Variants in CHMP3 observed in about 807,000 individuals in gnomAD.
The protein encoded by CHMP3 is charged multivesicular body protein 3, also known as 25.1 protein.
CHMP3 carries 8 observed loss-of-function variants against 27.4 expected under a neutral mutation model. That is an observed-to-expected ratio of 0.29 (90% confidence interval 0.17 to 0.53). CHMP3 has a LOEUF of 0.53. Among genes scored for constraint, CHMP3 ranks in the 20% least tolerant of loss-of-function variants. The pLI is 0.96. For missense variants in CHMP3, 208 were observed against 271.5 expected (o/e 0.77, Z 1.64); for synonymous variants, 86 against 85.5 (o/e 1.01, Z -0.03).
At chr2:86,537,037 T>C (rs1300399668) in intron 2 of CHMP3, among the ~76,000 whole-genome samples, 1 of 152,132 alleles carries the variant, frequency 6.6e-6, no homozygotes, top group African/African-American at 2.4e-5. Flanking sequence ...ATTTTTGTTT[T>C]TATTTTTTGT....
intron 2 of CHMP3, among the ~76,000 whole-genome samples, chr2:86,533,264 T>G (rs907787650): frequency 6.6e-6 from 1 of 152,212 alleles, no homozygotes; most frequent in African/African-American, 2.4e-5. Context: ...TCAGTAGTAA[T>G]GTCTCCACTT....
At chr2:86,515,909 A>G (rs1422164700) in intron 3 of CHMP3, among the ~76,000 whole-genome samples, 4 of 152,012 alleles carry the variant, frequency 2.6e-5, no homozygotes, top group Admixed American at 2.6e-4. Context: ...TGTAATCCCA[A>G]TACTTTGTGA....
intron 3 of CHMP3, among the ~76,000 whole-genome samples, chr2:86,525,532 C>CAAAA (rs1242579774): frequency 9.8e-6 from 1 of 101,714 alleles, no homozygotes; most frequent in Non-Finnish European, 2.1e-5. Flanking sequence ...GATCTTGTCT[C>CAAAA]AAAAAAAAAA....
chr2:86,550,172 C>T (rs1676845112), intron 1 of CHMP3, among the ~76,000 whole-genome samples: 2 of 152,172 alleles, frequency 1.3e-5, no homozygotes, highest in Admixed American at 6.5e-5. Flanking sequence ...GGTCAGGAGC[C>T]GGAGACCAGC....
intron 1 of CHMP3, chr2:86,561,528 G>C (rs930202971): frequency 6.6e-6 from 1 of 152,156 alleles, no homozygotes; most frequent in Admixed American, 6.5e-5. Context: ...GATCCCTAAT[G>C]ATTAGTGTGC....
At chr2:86,539,889 T>C (rs2103978243) in intron 2 of CHMP3, among the ~76,000 whole-genome samples, 1 of 152,252 alleles carries the variant, frequency 6.6e-6, no homozygotes, top group East Asian at 1.9e-4. Context: ...ACATTTATTG[T>C]ATTGGCAACA....
intron 1 of CHMP3, among the ~76,000 whole-genome samples, chr2:86,550,951 T>C (rs1174512398): frequency 6.6e-6 from 1 of 152,262 alleles, no homozygotes; most frequent in Non-Finnish European, 1.5e-5. Flanking sequence ...TCCATGGATT[T>C]TGGTATGGGC....
At chr2:86,558,015 T>A (rs1392470652) in intron 1 of CHMP3, among the ~76,000 whole-genome samples, 1 of 152,158 alleles carries the variant, frequency 6.6e-6, no homozygotes, top group Non-Finnish European at 1.5e-5. Flanking sequence ...TCTGATAGAA[T>A]CCCACAACCA....
rs531273658 is a variant in CHMP3, at chr2:86,557,749, G to A, written c.45+5555C>T. The stretch of plus-strand genomic sequence containing the variant: ...TGCCACTTGTGACAAGACCGAGACC[G>A]TCCCTGACCAGCTTCCGTTCCCCAT... On this transcript the variant is annotated intron_variant, in intron 1 of 5. Transcript: ENST00000263856. Among the ~76,000 whole-genome samples the A allele has an allele frequency of 5.3e-5, 8 of 152,110 alleles. No individual in the cohort carries two copies. In the East Asian group the frequency reaches 5.8e-4, roughly 11 times the overall value.
chr2:86,506,788 T>C (rs1674906372), intron 5 of CHMP3, among the ~76,000 whole-genome samples: 1 of 151,976 alleles, frequency 6.6e-6, no homozygotes, highest in Non-Finnish European at 1.5e-5. Flanking sequence ...TTTTTATATT[T>C]TTTGTAGAGA....
chr2:86,546,169 C>T (rs1000503357), intron 1 of CHMP3, among the ~76,000 whole-genome samples: 1 of 152,118 alleles, frequency 6.6e-6, no homozygotes, highest in Non-Finnish European at 1.5e-5. Flanking sequence ...GAGACCAGCC[C>T]GGTCAACACA....
rs1020001943 is a variant in CHMP3, at chr2:86,521,299, T to C, written c.286+7919A>G. Among the ~76,000 whole-genome samples the C allele has an allele frequency of 2.4e-4, 36 of 152,198 alleles. 1 individual carries two copies. Among genetic ancestry groups the C allele is most frequent in the Non-Finnish European group, 7.3e-5 (5 of 68,044 alleles). Reference sequence around the variant, plus strand: ...TTCACATGGACGCGCATGAAAACTATATAAGAGCTTGGAGCTCTCATGCAT... The same window carrying C: ...TTCACATGGACGCGCATGAAAACTACATAAGAGCTTGGAGCTCTCATGCAT... On this transcript the variant is annotated intron_variant, in intron 3 of 5. Coordinates refer to ENST00000263856, the MANE Select transcript of CHMP3 (RefSeq NM_016079.4).
At position 86,536,597 on chromosome 2, in the gene CHMP3, A is replaced by C. The variant is rs182557076; in HGVS notation, c.106+5655T>G. The stretch of plus-strand genomic sequence containing the variant: ...TTACGAGGATCCTTTGTATGTGACA[A>C]GATGTTTCTCTCTTGCTCCTTTTAA... On this transcript the variant is annotated intron_variant, in intron 2 of 5. Coordinates refer to ENST00000263856, the MANE Select transcript of CHMP3 (RefSeq NM_016079.4). Among the ~76,000 whole-genome samples, 58 of 152,324 alleles carry C rather than the reference A, an allele frequency of 3.8e-4. 2 individuals carry two copies. In the East Asian group the frequency reaches 0.01, roughly 27 times the overall value.
chr2:86,523,813 C>A (rs1402510514), intron 3 of CHMP3, among the ~76,000 whole-genome samples: 1 of 152,062 alleles, frequency 6.6e-6, no homozygotes, highest in Non-Finnish European at 1.5e-5. Context: ...AAAAAGACAA[C>A]TGTCATTAAC....
chr2:86,515,625 G>C (rs1675272814), intron 3 of CHMP3, among the ~76,000 whole-genome samples: 1 of 152,062 alleles, frequency 6.6e-6, no homozygotes, highest in South Asian at 2.1e-4. Flanking sequence ...CCAGCCACTA[G>C]ATTCCTTTTA....
At chr2:86,530,689 A>C (rs1675886712) in intron 2 of CHMP3, among the ~76,000 whole-genome samples, 1 of 152,226 alleles carries the variant, frequency 6.6e-6, no homozygotes, top group African/African-American at 2.4e-5. Context: ...TATGCCTAAA[A>C]GTAGAACTGT....
chr2:86,556,765 GGGCCGC>G (rs1389816833), intron 1 of CHMP3, among the ~76,000 whole-genome samples: 1 of 152,142 alleles, frequency 6.6e-6, no homozygotes, highest in African/African-American at 2.4e-5. Context: ...CGGCTTGTCA[GGGCCGC>G]GGTTGCTACA....
intron 1 of CHMP3, among the ~76,000 whole-genome samples, chr2:86,547,592 T>C (rs1676661513): frequency 6.6e-6 from 1 of 152,172 alleles, no homozygotes; most frequent in African/African-American, 2.4e-5. Context: ...AAATGACAGG[T>C]AGCATTTAAA....
At chr2:86,551,833 C>G (rs1256828367) in intron 1 of CHMP3, among the ~76,000 whole-genome samples, 1 of 152,176 alleles carries the variant, frequency 6.6e-6, no homozygotes, top group Non-Finnish European at 1.5e-5. Context: ...GCAACTTAGT[C>G]TATAAACACC....
Sources: allele counts gnomAD v4.1 joint callset (sites outside exome capture counted in the v4.1 genomes callset), GRCh38; gene constraint gnomAD v4.1.1; transcripts MANE v1.5; gene names NCBI Gene and HGNC (gene_info 2026-07-23, HGNC 2026-07-21).